TMEM266: variants seen among roughly 807,000 people sequenced by gnomAD.
TMEM266 encodes the protein Hv1 related protein 1.
In TMEM266, 33 loss-of-function variants were observed where a neutral mutation model predicts 50.5. The observed-to-expected ratio is 0.65, with a 90% CI of 0.50 to 0.87. TMEM266 has a LOEUF of 0.87. Among genes scored for constraint, TMEM266 ranks in the 40% least tolerant of loss-of-function variants. The pLI, the probability that TMEM266 is intolerant of heterozygous loss-of-function variation, is 0.00. For missense variants in TMEM266, 655 were observed against 695.1 expected (o/e 0.94, Z 0.65); for synonymous variants, 310 against 292.3 (o/e 1.06, Z -0.62).
intron 1 of TMEM266, among the ~76,000 whole-genome samples, chr15:76,130,156 G>T (rs1039097284): frequency 3.0e-5 from 4 of 133,550 alleles, no homozygotes; most frequent in African/African-American, 1.1e-4. Context: ...AGGAGTTCAA[G>T]GCTGTAGTGA....
intron 3 of TMEM266, among the ~76,000 whole-genome samples, chr15:76,143,900 C>T (rs774268825): frequency 3.3e-5 from 5 of 152,082 alleles, no homozygotes; most frequent in East Asian, 1.9e-4. Flanking sequence ...CTAACACTCC[C>T]GACTTAGATC....
intron 1 of TMEM266, among the ~76,000 whole-genome samples, chr15:76,080,154 G>A (rs921931086): frequency 6.7e-6 from 1 of 149,858 alleles, no homozygotes; most frequent in African/African-American, 2.5e-5. Context: ...ATCACTTGAG[G>A]TCAGGAGTTT....
intron 5 of TMEM266, among the ~76,000 whole-genome samples, chr15:76,166,185 G>A (rs750662772): frequency 7.9e-5 from 12 of 152,200 alleles, no homozygotes; most frequent in Admixed American, 2.6e-4. Context: ...CCCTGCCTCC[G>A]TGGACAGTGG....
At chr15:76,167,467 C>CAAAA (rs552656577) in intron 5 of TMEM266, among the ~76,000 whole-genome samples, 32 of 101,242 alleles carry the variant, frequency 3.2e-4, no homozygotes, top group African/African-American at 1.1e-3. Context: ...GAGACTGTTT[C>CAAAA]AAAAAAAAAA....
chr15:76,183,141 A>C (rs1234930196), intron 8 of TMEM266, among the ~76,000 whole-genome samples: 1 of 85,874 alleles, frequency 1.2e-5, no homozygotes, highest in Non-Finnish European at 2.1e-5. Flanking sequence ...TTTGAGATGG[A>C]GTCTCGCTCT....
intron 8 of TMEM266, 67 bp from the exon 9 acceptor site, chr15:76,191,891 AAAGCGCCCAG>A (rs1417142306): frequency 7.4e-7 from 1 of 1,360,106 alleles, no homozygotes; most frequent in Non-Finnish European, 9.7e-7. Flanking sequence ...ATGCAGGAGC[AAAGCGCCCAG>A]AGGTCAGGCT....
At chr15:76,099,877 G>C (rs2036976001) in intron 1 of TMEM266, among the ~76,000 whole-genome samples, 1 of 152,162 alleles carries the variant, frequency 6.6e-6, no homozygotes, top group South Asian at 2.1e-4. Flanking sequence ...AGGCAAAGAG[G>C]AAGCAAGCAC....
At chr15:76,103,850 T>A (rs1260806484) in intron 1 of TMEM266, among the ~76,000 whole-genome samples, 1 of 148,666 alleles carries the variant, frequency 6.7e-6, no homozygotes, top group Non-Finnish European at 1.5e-5. Flanking sequence ...AGGTGGAGGT[T>A]GCAGTGAGTC....
At chr15:76,145,578 T>A (rs2037744170) in intron 3 of TMEM266, among the ~76,000 whole-genome samples, 1 of 152,242 alleles carries the variant, frequency 6.6e-6, no homozygotes, top group African/African-American at 2.4e-5. Flanking sequence ...GGCCTTCCCC[T>A]TGAACTGTAT....
intron 1 of TMEM266, among the ~76,000 whole-genome samples, chr15:76,110,354 C>T (rs2037152372): frequency 6.6e-6 from 1 of 152,174 alleles, no homozygotes; most frequent in Non-Finnish European, 1.5e-5. Context: ...GCCCATGGGC[C>T]ACATGCAGCC....
chr15:76,170,113 T>C (rs2038165161), intron 6 of TMEM266, among the ~76,000 whole-genome samples: 2 of 151,506 alleles, frequency 1.3e-5, no homozygotes, highest in Admixed American at 6.6e-5. Flanking sequence ...CTTGAAGTTC[T>C]GCAAAATTTT....
At chr15:76,068,280 G>A (rs977564074) in intron 1 of TMEM266, among the ~76,000 whole-genome samples, 1 of 152,210 alleles carries the variant, frequency 6.6e-6, no homozygotes, top group Non-Finnish European at 1.5e-5. Context: ...CTAGGGATGG[G>A]AAAGTGTTTA....
intron 1 of TMEM266, among the ~76,000 whole-genome samples, chr15:76,107,219 AT>A (rs1319043152): frequency 6.6e-6 from 1 of 152,242 alleles, no homozygotes; most frequent in African/African-American, 2.4e-5. Context: ...AATAGAAAAT[AT>A]TGTCAATGAG....
intron 10 of TMEM266, among the ~76,000 whole-genome samples, chr15:76,203,508 G>A (rs915086985): frequency 2.6e-5 from 4 of 152,174 alleles, no homozygotes; most frequent in Admixed American, 6.5e-5. Flanking sequence ...TGGCCAAAGC[G>A]TGTCACACGC....
At chr15:76,191,851 G>A in intron 8 of TMEM266, 117 bp from the exon 9 acceptor site, 1 of 936,000 alleles carries the variant, frequency 1.1e-6, no homozygotes, top group Non-Finnish European at 1.5e-6. Context: ...GCTGCGGGAG[G>A]CTCAGCCCAG....
At chr15:76,194,823 A>T (rs2038631159) in intron 9 of TMEM266, among the ~76,000 whole-genome samples, 1 of 152,080 alleles carries the variant, frequency 6.6e-6, no homozygotes, top group African/African-American at 2.4e-5. Context: ...CATCTTAACT[A>T]ATGACATCTG....
intron 1 of TMEM266, among the ~76,000 whole-genome samples, chr15:76,066,843 C>T (rs578101087): frequency 6.6e-6 from 1 of 152,226 alleles, no homozygotes; most frequent in East Asian, 1.9e-4. Context: ...CATTCTGTAG[C>T]AGAGTTTCTC....
In TMEM266 at chr15:76,137,978, T is replaced by G. The variant is rs2037617470; in HGVS notation, c.227+83T>G. 7 of 1,387,526 alleles carry G rather than the reference T, an allele frequency of 5.0e-6. 1 individual carries two copies. In the South Asian group the frequency reaches 1.0e-4, roughly 20 times the overall value. The allele number at this position is 1,387,526 out of a possible 1,614,324, so 86.0% of individuals were successfully genotyped here. A position where few individuals can be genotyped will look rare whatever the true frequency, so the allele number is the denominator to read the frequency against. Reference sequence around the variant, plus strand: ...GGCTCACGCCTGTAATCCCAGCACTTTGGGAGGCAGAGGCGGGCAGATCAC... The same window carrying G: ...GGCTCACGCCTGTAATCCCAGCACTGTGGGAGGCAGAGGCGGGCAGATCAC... On this transcript the variant is annotated intron_variant, in intron 3 of 10. Transcript: ENST00000388942.
At chr15:76,171,653 G>A (rs2142061134) in intron 7 of TMEM266, among the ~76,000 whole-genome samples, 1 of 152,368 alleles carries the variant, frequency 6.6e-6, no homozygotes, top group African/African-American at 2.4e-5. Flanking sequence ...GAAGGGAGCT[G>A]CTGGCAGGGG....
Sources: allele counts gnomAD v4.1 joint callset (sites outside exome capture counted in the v4.1 genomes callset), GRCh38; gene constraint gnomAD v4.1.1; transcripts MANE v1.5; gene names NCBI Gene and HGNC (gene_info 2026-07-23, HGNC 2026-07-21).